Variants in LRMDA observed in about 807,000 individuals in gnomAD.
LRMDA encodes the protein leucine-rich melanocyte differentiation-associated protein.
In LRMDA, 18 loss-of-function variants were observed where a neutral mutation model predicts 29.8. The observed-to-expected ratio is 0.60, with a 90% CI of 0.42 to 0.90. The LOEUF (loss-of-function observed/expected upper bound fraction) is 0.90. Ranked by LOEUF, LRMDA falls within the 40% of genes least tolerant of loss-of-function variation. LRMDA has a pLI of 0.00. For missense variants in LRMDA, 273 were observed against 273.9 expected (o/e 1.00, Z 0.02); for synonymous variants, 125 against 109.4 (o/e 1.14, Z -0.89).
In LRMDA at chr10:76,324,410, G is replaced by A. The variant is rs1475010892; in HGVS notation, c.526G>A (p.Glu176Lys). 6.2e-7 allele frequency: 1 copy of A among 1,613,996 alleles called. No individual in the cohort carries two copies. The highest frequency in any genetic ancestry group is 2.2e-5 in the East Asian group (1 of 44,886). ...TGCTTTTGTCACACAGGCTTCTAGTGAGGACGTTGCCAGCTCCCCGGAGCG... is the reference window on the plus strand; with the variant it reads ...TGCTTTTGTCACACAGGCTTCTAGTAAGGACGTTGCCAGCTCCCCGGAGCG... ...MKVVKPKASS[E>K]DVASSPERHY... Residue 176 changes from glutamate (E) to lysine (K), a missense_variant, in exon 6 of 7, where the codon GAG becomes AAG. Transcript: ENST00000611255.
At chr10:76,278,759 T>A (rs1161402898) in intron 5 of LRMDA, among the ~76,000 whole-genome samples, 1 of 152,224 alleles carries the variant, frequency 6.6e-6, no homozygotes, top group African/African-American at 2.4e-5. Flanking sequence ...CCTCCTGAAA[T>A]ACAGTAGTGT....
chr10:76,353,623 G>A (rs189062636), intron 6 of LRMDA, among the ~76,000 whole-genome samples: 1 of 152,220 alleles, frequency 6.6e-6, no homozygotes. Flanking sequence ...AAGAGAACAA[G>A]TTAATTGTTC....
At chr10:76,016,112 C>G (rs1847875164) in intron 2 of LRMDA, among the ~76,000 whole-genome samples, 1 of 152,150 alleles carries the variant, frequency 6.6e-6, no homozygotes, top group African/African-American at 2.4e-5. Context: ...TCTTGTCTCT[C>G]CATAAGAATT....
chr10:76,490,230 A>G (rs968931897), intron 6 of LRMDA, among the ~76,000 whole-genome samples: 8 of 151,930 alleles, frequency 5.3e-5, no homozygotes, highest in Non-Finnish European at 8.8e-5. Context: ...GTCCTTGAGA[A>G]TATGTGTTCT....
intron 6 of LRMDA, among the ~76,000 whole-genome samples, chr10:76,413,458 T>C (rs1465495164): frequency 2.0e-5 from 3 of 152,134 alleles, no homozygotes; most frequent in African/African-American, 4.8e-5. Context: ...GAAAGCCAAG[T>C]GAAAGGGGTA....
chr10:76,177,815 A>G (rs1850968744), intron 5 of LRMDA, among the ~76,000 whole-genome samples: 1 of 152,234 alleles, frequency 6.6e-6, no homozygotes, highest in Non-Finnish European at 1.5e-5. Context: ...ATTTAACTTC[A>G]TCTTCACAAA....
intron 5 of LRMDA, among the ~76,000 whole-genome samples, chr10:76,200,586 C>T (rs1306340594): frequency 6.6e-6 from 1 of 152,040 alleles, no homozygotes; most frequent in Admixed American, 6.5e-5. Flanking sequence ...AGTCTTATTT[C>T]TTGAGTTTTC....
At chr10:76,207,087 G>A (rs890611501) in intron 5 of LRMDA, among the ~76,000 whole-genome samples, 6 of 152,204 alleles carry the variant, frequency 3.9e-5, no homozygotes, top group Non-Finnish European at 8.8e-5. Flanking sequence ...ACTCAAGCCT[G>A]TCTGACTTAC....
chr10:76,359,259 A>T (rs547387935), intron 6 of LRMDA, among the ~76,000 whole-genome samples: 85 of 152,318 alleles, frequency 5.6e-4, no homozygotes, highest in African/African-American at 1.8e-3. Context: ...GGTCATTGAA[A>T]AAATATTGAG....
chr10:75,700,806 GA>G (rs1439373083), intron 2 of LRMDA, among the ~76,000 whole-genome samples: 1 of 151,920 alleles, frequency 6.6e-6, no homozygotes, highest in African/African-American at 2.4e-5. Flanking sequence ...GATGGATAAT[GA>G]AAAAAACAGG....
At chr10:75,698,144 G>A (rs1390520580) in intron 2 of LRMDA, among the ~76,000 whole-genome samples, 4 of 152,182 alleles carry the variant, frequency 2.6e-5, no homozygotes, top group Non-Finnish European at 4.4e-5. Flanking sequence ...GAGCTGGCAG[G>A]TGAACCCTTC....
At chr10:75,868,872 G>A (rs778885978) in intron 2 of LRMDA, among the ~76,000 whole-genome samples, 15 of 152,114 alleles carry the variant, frequency 9.9e-5, no homozygotes, top group Admixed American at 4.6e-4. Context: ...ATGCAGCTCC[G>A]TCCTGTGTGA....
chr10:76,451,639 A>G lies in LRMDA; in HGVS notation c.602-105570A>G, dbSNP rs111573598. The stretch of plus-strand genomic sequence containing the variant: ...ATGTTCTTCAGGAAGTGCTTCTCCA[A>G]TGCTTTTTTTTTTTTTTTTTTGTGG... On this transcript the variant is annotated intron_variant, in intron 6 of 6. Transcript: ENST00000611255. Among the ~76,000 whole-genome samples, 921 of 146,952 alleles carry G rather than the reference A, an allele frequency of 6.3e-3. 8 individuals carry two copies. The highest frequency in any genetic ancestry group is 0.022 in the African/African-American group (881 of 40,002).
chr10:76,038,409 A>G (rs1848287288), intron 3 of LRMDA, among the ~76,000 whole-genome samples: 1 of 152,222 alleles, frequency 6.6e-6, no homozygotes, highest in Non-Finnish European at 1.5e-5. Context: ...GAGTAATGGT[A>G]ATGGCCTAGG....
chr10:75,917,117 C>G (rs1845947486), intron 2 of LRMDA, among the ~76,000 whole-genome samples: 1 of 152,176 alleles, frequency 6.6e-6, no homozygotes, highest in African/African-American at 2.4e-5. Context: ...ATCTCCTCTG[C>G]CAAGAAGGAG....
At chr10:76,044,005 A>C in intron 3 of LRMDA, among the ~76,000 whole-genome samples, 1 of 147,914 alleles carries the variant, frequency 6.8e-6, no homozygotes. Flanking sequence ...AATTAGAATC[A>C]CTCCAAGTCA....
chr10:76,236,707 C>T (rs1852158536), intron 5 of LRMDA, among the ~76,000 whole-genome samples: 1 of 152,136 alleles, frequency 6.6e-6, no homozygotes, highest in Non-Finnish European at 1.5e-5. Context: ...ATTGACTTGC[C>T]ATGAACATCA....
chr10:75,757,171 GA>G (rs1292144818), intron 2 of LRMDA, among the ~76,000 whole-genome samples: 1 of 152,178 alleles, frequency 6.6e-6, no homozygotes, highest in Non-Finnish European at 1.5e-5. Context: ...TAGCACAATA[GA>G]AGTTTATTTC....
At chr10:76,156,691 C>T (rs543809839) in intron 5 of LRMDA, among the ~76,000 whole-genome samples, 13 of 152,232 alleles carry the variant, frequency 8.5e-5, no homozygotes, top group African/African-American at 3.1e-4. Context: ...TTTATGATAG[C>T]ATTGACATGT....
Sources: gnomAD v4.1 joint callset for allele counts (sites outside exome capture counted in the v4.1 genomes callset) on GRCh38, gnomAD v4.1.1 for gene constraint, MANE v1.5 for transcripts, NCBI Gene and HGNC (gene_info 2026-07-23, HGNC 2026-07-21) for gene names.